RARB: variants seen among roughly 807,000 people sequenced by gnomAD.
RARB encodes the protein HBV-activated protein.
A neutral mutation model predicts 51.9 loss-of-function variants in RARB; 17 were observed. The observed-to-expected ratio is 0.33, with a 90% confidence interval of 0.22 to 0.49. The LOEUF (loss-of-function observed/expected upper bound fraction) is 0.49. Ranked by LOEUF, RARB falls within the 20% of genes least tolerant of loss-of-function variation. The pLI is 0.99. For missense variants in RARB, 369 were observed against 550.8 expected (o/e 0.67, Z 3.30); for synonymous variants, 215 against 195.4 (o/e 1.10, Z -0.84).
At chr3:24,871,965 G>A (rs186453205) in intron 2 of RARB, among the ~76,000 whole-genome samples, 7 of 152,112 alleles carry the variant, frequency 4.6e-5, no homozygotes, top group African/African-American at 1.7e-4. Context: ...CTGATCCACG[G>A]TCATCTCTTG....
At chr3:24,957,605 C>T (rs557870593) in intron 2 of RARB, among the ~76,000 whole-genome samples, 1 of 152,238 alleles carries the variant, frequency 6.6e-6, no homozygotes, top group South Asian at 2.1e-4. Context: ...CATTGTTATC[C>T]AGATGCTTTG....
At chr3:25,239,608 T>TA (rs1702381507) in intron 5 of RARB, among the ~76,000 whole-genome samples, 1 of 152,180 alleles carries the variant, frequency 6.6e-6, no homozygotes, top group Non-Finnish European at 1.5e-5. Context: ...ATCAGTTGGC[T>TA]ATATATACAT....
At chr3:25,250,068 C>A (rs1180631909) in intron 5 of RARB, among the ~76,000 whole-genome samples, 3 of 152,186 alleles carry the variant, frequency 2.0e-5, no homozygotes, top group Non-Finnish European at 4.4e-5. Context: ...CTCTGACTCC[C>A]AGGGAGTCCA....
intron 2 of RARB, among the ~76,000 whole-genome samples, chr3:24,871,490 C>T (rs1702947614): frequency 6.6e-6 from 1 of 152,140 alleles, no homozygotes; most frequent in African/African-American, 2.4e-5. Context: ...TTTTCACGCA[C>T]CCCTCTAGGT....
At chr3:25,326,391 G>A (rs1704717352) in intron 5 of RARB, among the ~76,000 whole-genome samples, 1 of 152,146 alleles carries the variant, frequency 6.6e-6, no homozygotes, top group Admixed American at 6.5e-5. Flanking sequence ...CAGAAATTGA[G>A]TCATCCTGAA....
At chr3:25,472,472 G>A (rs1395010310) in intron 2 of RARB, among the ~76,000 whole-genome samples, 1 of 152,142 alleles carries the variant, frequency 6.6e-6, no homozygotes, top group African/African-American at 2.4e-5. Context: ...AGAAATTATG[G>A]ATTTGGTGAA....
intron 3 of RARB, among the ~76,000 whole-genome samples, chr3:25,520,651 G>C (rs1461046068): frequency 6.6e-6 from 1 of 152,152 alleles, no homozygotes; most frequent in Non-Finnish European, 1.5e-5. Context: ...AGAGGAGAGA[G>C]AAAAATGTAA....
chr3:24,946,389 A>C (rs905424935), intron 2 of RARB, among the ~76,000 whole-genome samples: 2 of 116,136 alleles, frequency 1.7e-5, no homozygotes, highest in African/African-American at 5.2e-5. Context: ...TTTTTAACTA[A>C]ATTCATTGCC....
chr3:24,933,294 C>A (rs1695480272), intron 2 of RARB, among the ~76,000 whole-genome samples: 1 of 150,556 alleles, frequency 6.6e-6, no homozygotes. Flanking sequence ...TTTTTTTTTA[C>A]AGATCTTCAT....
intron 3 of RARB, among the ~76,000 whole-genome samples, chr3:25,101,239 C>G (rs1237791464): frequency 2.0e-5 from 3 of 152,042 alleles, no homozygotes; most frequent in Non-Finnish European, 4.4e-5. Flanking sequence ...TGCTTGATGA[C>G]CTATACTATA....
chr3:25,081,142 AT>A (rs1320505978), intron 3 of RARB, among the ~76,000 whole-genome samples: 1 of 152,144 alleles, frequency 6.6e-6, no homozygotes, highest in East Asian at 1.9e-4. Flanking sequence ...GATTGGGTAC[AT>A]TGAGTTCTAT....
intron 3 of RARB, among the ~76,000 whole-genome samples, chr3:25,514,552 G>A (rs1442887012): frequency 6.6e-6 from 1 of 151,832 alleles, no homozygotes; most frequent in Non-Finnish European, 1.5e-5. Context: ...ATGATTTTAG[G>A]ACACAAATAT....
chr3:24,967,374 T>C, intron 2 of RARB, among the ~76,000 whole-genome samples: 1 of 152,152 alleles, frequency 6.6e-6, no homozygotes, highest in East Asian at 1.9e-4. Context: ...CTGTTTCCCT[T>C]AGCGTTGCAT....
At chr3:25,449,752 CTCTCT>C (rs755196560) in intron 1 of RARB, among the ~76,000 whole-genome samples, 14 of 125,746 alleles carry the variant, frequency 1.1e-4, no homozygotes, top group Admixed American at 4.1e-4. Flanking sequence ...CTCTTTCTCT[CTCTCT>C]TTTTTTTTTT....
intron 3 of RARB, among the ~76,000 whole-genome samples, chr3:25,071,194 G>C (rs77633045): frequency 6.6e-6 from 1 of 152,196 alleles, no homozygotes; most frequent in Admixed American, 6.5e-5. Context: ...TGGCCCATTA[G>C]TAGGTGCTCA....
chr3:25,463,582 G>C (rs1276930409), intron 2 of RARB, among the ~76,000 whole-genome samples: 1 of 151,692 alleles, frequency 6.6e-6, no homozygotes, highest in Non-Finnish European at 1.5e-5. Flanking sequence ...AGAATTGCTT[G>C]AACCCGGGAG....
intron 3 of RARB, among the ~76,000 whole-genome samples, chr3:25,060,813 G>C (rs1364188482): frequency 1.3e-5 from 2 of 151,840 alleles, no homozygotes; most frequent in Admixed American, 1.3e-4. Flanking sequence ...TGTGAGTACT[G>C]ATACCCAGAT....
chr3:25,556,427 G>A (rs1423068654), intron 3 of RARB, among the ~76,000 whole-genome samples: 1 of 152,026 alleles, frequency 6.6e-6, no homozygotes, highest in African/African-American at 2.4e-5. Context: ...ACCCCTCAAT[G>A]GCATTCAGGA....
chr3:24,864,641 T>C (rs1389003434), intron 2 of RARB, among the ~76,000 whole-genome samples: 1 of 152,184 alleles, frequency 6.6e-6, no homozygotes, highest in Non-Finnish European at 1.5e-5. Context: ...CCACAGACTA[T>C]GGCTGGTAGG....
Sources: allele counts gnomAD v4.1 joint callset (sites outside exome capture counted in the v4.1 genomes callset), GRCh38; gene constraint gnomAD v4.1.1; transcripts MANE v1.5; gene names NCBI Gene and HGNC (gene_info 2026-07-23, HGNC 2026-07-21).